The following PFKFB2 variants were observed in gnomAD, a reference collection of about 807,000 sequenced individuals.
PFKFB2 encodes the protein 6-phosphofructo-2-kinase/fructose-2,6-biphosphatase 2.
PFKFB2 carries 53 observed loss-of-function variants against 68.0 expected under a neutral mutation model. The observed-to-expected ratio is 0.78, with a 90% CI of 0.63 to 0.98. The LOEUF (loss-of-function observed/expected upper bound fraction) is 0.98, where lower values mean the gene tolerates loss of function less well. Ranked by LOEUF, PFKFB2 falls within the 50% of genes least tolerant of loss-of-function variation. PFKFB2 has a pLI of 0.00. For missense variants in PFKFB2, 451 were observed against 642.0 expected (o/e 0.70, Z 3.22); for synonymous variants, 222 against 227.6 (o/e 0.98, Z 0.22).
upstream of PFKFB2, chr1:207,050,640 C>A: frequency 1.2e-6 from 2 of 1,603,962 alleles, no homozygotes; most frequent in East Asian, 4.5e-5. Flanking sequence ...TCTCACGCCC[C>A]TCTCCATCCT....
chr1:207,064,893 G>T (rs879257100), intron 7 of PFKFB2, 143 bp from the exon 8 acceptor site: 12 of 914,214 alleles, frequency 1.3e-5, no homozygotes, highest in Admixed American at 5.3e-5. Flanking sequence ...GGGGCGGGGG[G>T]TACTCAATGA....
chr1:207,049,004 C>T, upstream of PFKFB2: 3 of 1,606,204 alleles, frequency 1.9e-6, no homozygotes, highest in South Asian at 2.2e-5. Flanking sequence ...GGCTTCAACC[C>T]TCATTCATGC....
rs1250486122 is a variant in PFKFB2 at position 207,076,279 on chromosome 1, G to C, written c.*3908G>C. On this transcript the variant is annotated 3_prime_UTR_variant, in exon 15 of 15. Coordinates refer to ENST00000367080, the MANE Select transcript of PFKFB2 (RefSeq NM_006212.2). Reference sequence around the variant, plus strand: ...TTTTTTTTTTTTTTTATGAGCAGGAGATCTTAATTGACAGAAACTCATTGG... The same window carrying C: ...TTTTTTTTTTTTTTTATGAGCAGGACATCTTAATTGACAGAAACTCATTGG... 4 of 943,016 alleles carry C rather than the reference G, an allele frequency of 4.2e-6. No individual in the cohort carries two copies. Among genetic ancestry groups the C allele is most frequent in the Non-Finnish European group, 1.3e-6 (1 of 795,216 alleles). 58.4% of individuals were successfully genotyped at this position (943,016 alleles called of 1,614,324 possible).
At chr1:207,040,418 G>A (rs180728888) in intron 1 of PFKFB2, among the ~76,000 whole-genome samples, 9 of 152,164 alleles carry the variant, frequency 5.9e-5, no homozygotes, top group East Asian at 5.8e-4. Flanking sequence ...ACTTCACTTC[G>A]TGTATGGAAG....
intron 3 of PFKFB2, 173 bp from the exon 4 acceptor site, chr1:207,062,447 A>T: frequency 2.0e-6 from 2 of 981,242 alleles, no homozygotes; most frequent in South Asian, 1.6e-5. Context: ...AGGTCTAGAA[A>T]GTCAGGGCTT....
chr1:207,074,639 G>A lies in PFKFB2; in HGVS notation c.*2268G>A. The A allele has an allele frequency of 1.0e-6, 1 of 985,358 alleles. No homozygotes were observed. Among genetic ancestry groups the A allele is most frequent in the Non-Finnish European group, 1.2e-6 (1 of 829,902 alleles). 61.0% of individuals were successfully genotyped at this position (985,358 alleles called of 1,614,324 possible). Reference sequence around the variant, plus strand: ...AGATGTTAAGTAACCTGCTATTCCTGTTTAGTGGTTACATAACATGTACTT... The same window carrying A: ...AGATGTTAAGTAACCTGCTATTCCTATTTAGTGGTTACATAACATGTACTT... On this transcript the variant is annotated 3_prime_UTR_variant, in exon 15 of 15. Transcript: ENST00000367080.
Position 207,072,371 on chromosome 1 carries a change from G to A in PFKFB2, c.1518G>A (p.Ter506=). 6.2e-7 allele frequency: 1 copy of A among 1,612,564 alleles called. No individual in the cohort carries two copies. ...RAQDMQEGAD[*] ...AGGACATGCAAGAAGGGGCCGACTA[G>A]CCGAAGACCCAAGTCAGCATTCCGG... Residue 506 remains the stop codon, a stop_retained_variant, in exon 15 of 15, where the codon TAG becomes TAA. Coordinates refer to ENST00000367080, the MANE Select transcript of PFKFB2 (RefSeq NM_006212.2).
chr1:207,076,053 A>G lies in PFKFB2; in HGVS notation c.*3682A>G. 1.0e-6 allele frequency: 1 copy of G among 985,246 alleles called. No individual in the cohort carries two copies. The highest frequency in any genetic ancestry group is 1.2e-6 in the Non-Finnish European group (1 of 829,884). The allele number at this position is 985,246 out of a possible 1,614,324, so 61.0% of individuals were successfully genotyped here. On this transcript the variant is annotated 3_prime_UTR_variant, in exon 15 of 15. Transcript: ENST00000367080. ...CCTCTGGTGTTTCGTTGTTGTTGTT[A>G]TTGTTTGTTTGTTTCCAAAGAAGTT...
rs1204135069 is a variant in PFKFB2, at chr1:207,075,874, C to T, written c.*3503C>T. 2.0e-6 allele frequency: 2 copies of T among 984,632 alleles called. No individual in the cohort carries two copies. The highest frequency in any genetic ancestry group is 1.7e-5 in the African/African-American group (1 of 57,230). The allele number at this position is 984,632 out of a possible 1,614,324, so 61.0% of individuals were successfully genotyped here. A position where few individuals can be genotyped will look rare whatever the true frequency, so the allele number is the denominator to read the frequency against. On this transcript the variant is annotated 3_prime_UTR_variant, in exon 15 of 15. Transcript: ENST00000367080. ...AAGCAGATTTAGAGAACCTGCTTCT[C>T]TTCTTATCTCCTAATCCCTAAATTG...
chr1:207,051,344 A>C (rs1346103810), upstream of PFKFB2, among the ~76,000 whole-genome samples: 1 of 151,870 alleles, frequency 6.6e-6, no homozygotes, highest in Admixed American at 6.6e-5. Context: ...GGGCTTCCAC[A>C]CTACACCCAG....
At chr1:207,039,492 T>C (rs755674248) in intron 1 of PFKFB2, among the ~76,000 whole-genome samples, 1 of 152,204 alleles carries the variant, frequency 6.6e-6, no homozygotes, top group Non-Finnish European at 1.5e-5. Flanking sequence ...TAGAAAAATA[T>C]TTATGGTTAC....
At chr1:207,038,736 G>A (rs760667517) in intron 1 of PFKFB2, among the ~76,000 whole-genome samples, 1 of 152,132 alleles carries the variant, frequency 6.6e-6, no homozygotes, top group Non-Finnish European at 1.5e-5. Flanking sequence ...AGGTTTGAGA[G>A]AGTCATCACA....
upstream of PFKFB2, chr1:207,050,561 C>T: frequency 8.0e-7 from 1 of 1,252,954 alleles, no homozygotes; most frequent in South Asian, 1.4e-5. Flanking sequence ...TTTGATCTAT[C>T]CTCGCCCCTG....
chr1:207,067,438 T>G, intron 8 of PFKFB2, 61 bp from the exon 9 acceptor site: 1 of 1,235,046 alleles, frequency 8.1e-7, no homozygotes, highest in East Asian at 2.3e-5. Context: ...TCCTTTTCCC[T>G]CTGATTCTTA....
Position 207,063,879 on chromosome 1 carries a change from G to T in PFKFB2, c.507+50G>T. ...CTCCTCTTCACCTTTTGTGCTGTGTGTGTTGTGGGGTGTGTGTGTGTGTGT... is the reference window on the plus strand; with the variant it reads ...CTCCTCTTCACCTTTTGTGCTGTGTTTGTTGTGGGGTGTGTGTGTGTGTGT... On this transcript the variant is annotated intron_variant, in intron 7 of 14. Transcript: ENST00000367080. The surrounding 1 kb of genome is among the most constrained non-coding windows in gnomAD (Gnocchi z 4.1). 7.3e-7 allele frequency: 1 copy of T among 1,366,564 alleles called. No homozygotes were observed. Among genetic ancestry groups the T allele is most frequent in the Non-Finnish European group, 1.0e-6 (1 of 960,096 alleles). 84.7% of individuals were successfully genotyped at this position (1,366,564 alleles called of 1,614,324 possible). A position where few individuals can be genotyped will look rare whatever the true frequency, so the allele number is the denominator to read the frequency against.
At chr1:207,051,835 A>T (rs1160056119), upstream of PFKFB2, among the ~76,000 whole-genome samples, 1 of 152,246 alleles carries the variant, frequency 6.6e-6, no homozygotes, top group African/African-American at 2.4e-5. Flanking sequence ...CCTAGAACCC[A>T]GGACTGTGCC....
chr1:207,075,897 T>C lies in PFKFB2; in HGVS notation c.*3526T>C, dbSNP rs1683608766. 1 of 985,268 alleles carries C rather than the reference T, an allele frequency of 1.0e-6. No individual in the cohort carries two copies. Among genetic ancestry groups the C allele is most frequent in the Non-Finnish European group, 1.2e-6 (1 of 829,740 alleles). 61.0% of individuals were successfully genotyped at this position (985,268 alleles called of 1,614,324 possible). A position where few individuals can be genotyped will look rare whatever the true frequency, so the allele number is the denominator to read the frequency against. ...CTCTTCTTATCTCCTAATCCCTAAA[T>C]TGTAATTTAGCTCTTATCTGTATTG... On this transcript the variant is annotated 3_prime_UTR_variant, in exon 15 of 15. Transcript: ENST00000367080.
chr1:207,076,468 T>A lies in PFKFB2; in HGVS notation c.*4097T>A. On this transcript the variant is annotated 3_prime_UTR_variant, in exon 15 of 15. Transcript: ENST00000367080. The stretch of plus-strand genomic sequence containing the variant: ...TAGATTTACCCAGCTTTTCTATGTA[T>A]TTTGACTTATTGAAAATATGTAACA... 1.0e-6 allele frequency: 1 copy of A among 985,422 alleles called. No homozygotes were observed. Among genetic ancestry groups the A allele is most frequent in the Non-Finnish European group, 1.2e-6 (1 of 829,922 alleles). 61.0% of individuals were successfully genotyped at this position (985,422 alleles called of 1,614,324 possible). A position where few individuals can be genotyped will look rare whatever the true frequency, so the allele number is the denominator to read the frequency against.
At chr1:207,035,986 G>A (rs1400019895) in intron 1 of PFKFB2, among the ~76,000 whole-genome samples, 1 of 152,110 alleles carries the variant, frequency 6.6e-6, no homozygotes, top group Non-Finnish European at 1.5e-5. Context: ...TTGCATTGGT[G>A]TAAAGGAATA....
Sources: gnomAD v4.1 joint callset for allele counts (sites outside exome capture counted in the v4.1 genomes callset) on GRCh38, gnomAD v4.1.1 for gene constraint, Gnocchi (gnomAD v3.1) non-coding constraint, MANE v1.5 for transcripts, NCBI Gene and HGNC (gene_info 2026-07-23, HGNC 2026-07-21) for gene names.